The following DMD variants were observed in gnomAD, a reference collection of about 807,000 sequenced individuals.
DMD encodes mutant dystrophin.
In DMD, 63 loss-of-function variants were observed where a neutral mutation model predicts 330.1. The ratio of observed to expected loss-of-function variants is 0.19; its 90% CI spans 0.16 to 0.24. The LOEUF is 0.24. DMD is among the 10% of genes least tolerant of loss of function. The pLI, the probability that DMD is intolerant of heterozygous loss-of-function variation, is 1.00. For synonymous variants in DMD, 1,223 were observed against 959.8 expected (o/e 1.27, Z -5.07); for missense variants, 3,344 against 2,684.1 (o/e 1.25, Z -5.43).
chrX:32,201,856 ATTCTCATAAGTCAAAAGGTACAAATCC>A (rs2097041106), intron 44 of DMD, among the ~76,000 whole-genome samples: 1 of 111,619 alleles, frequency 9.0e-6, no homozygotes, highest in Non-Finnish European at 1.9e-5. Context: ...AGACTTCCAA[ATTCTCATAAGTCAAAAGGTACAAATCC>A]CTGAAAACTG....
At chrX:32,927,169 A>T (rs1382340159) in intron 2 of DMD, among the ~76,000 whole-genome samples, 1 of 111,232 alleles carries the variant, frequency 9.0e-6, no homozygotes, top group African/African-American at 3.3e-5. Context: ...TTTCCATCTT[A>T]TCTAGCCTTT....
At chrX:32,592,490 C>G (rs1398066123) in intron 13 of DMD, among the ~76,000 whole-genome samples, 3 of 110,866 alleles carry the variant, frequency 2.7e-5, no homozygotes, top group African/African-American at 9.9e-5. Flanking sequence ...CTGCACACTC[C>G]CTGGGACGAC....
chrX:31,363,320 T>C (rs920560078), intron 60 of DMD, among the ~76,000 whole-genome samples: 2 of 108,945 alleles, frequency 1.8e-5, no homozygotes, highest in Admixed American at 9.8e-5. Context: ...CTATCAAGAA[T>C]GTATCAACAA....
intron 59 of DMD, among the ~76,000 whole-genome samples, chrX:31,458,627 A>G (rs1318647612): frequency 9.0e-6 from 1 of 110,621 alleles, no homozygotes; most frequent in African/African-American, 3.3e-5. Flanking sequence ...TCTTTTTCAA[A>G]ATAGGAGTAT....
intron 2 of DMD, among the ~76,000 whole-genome samples, chrX:32,974,541 C>T (rs1394526511): frequency 9.0e-6 from 1 of 111,641 alleles, no homozygotes; most frequent in Non-Finnish European, 1.9e-5. Context: ...CTGATGTTTA[C>T]ACCTCTTTTT....
At chrX:31,970,657 T>A (rs1237073517) in intron 44 of DMD, among the ~76,000 whole-genome samples, 1 of 110,961 alleles carries the variant, frequency 9.0e-6, no homozygotes, top group African/African-American at 3.3e-5. Flanking sequence ...ATCTCCATGA[T>A]GTGACCAAGA....
At chrX:32,132,993 C>CTTTTCTTTCTTTTTTTT (rs2096705124) in intron 44 of DMD, among the ~76,000 whole-genome samples, 1 of 76,010 alleles carries the variant, frequency 1.3e-5, no homozygotes, top group African/African-American at 6.9e-5. Flanking sequence ...CTTTTCTTTT[C>CTTTTCTTTCTTTTTTTT]TTTTTTTTTT....
chrX:31,588,056 G>A (rs1425828507), intron 55 of DMD, among the ~76,000 whole-genome samples: 1 of 111,569 alleles, frequency 9.0e-6, no homozygotes, highest in Non-Finnish European at 1.9e-5. Flanking sequence ...ACGGTCATCT[G>A]CATATTAACA....
Position 31,774,210 on chromosome X carries a change from T to G in DMD, c.7310-18A>C. 1 of 1,160,571 alleles carries G rather than the reference T, an allele frequency of 8.6e-7. No individual in the cohort carries two copies. The highest frequency in any genetic ancestry group is 1.2e-6 in the Non-Finnish European group (1 of 852,764). ...AGTAGGAGCTAAAATATTTTGGGTT[T>G]TTGCAAAAAGGAAAAAAGAAGAAAA... On this transcript the variant is annotated intron_variant, in intron 50 of 78. Transcript: ENST00000357033.
intron 2 of DMD, among the ~76,000 whole-genome samples, chrX:32,857,889 G>T (rs1342557254): frequency 9.0e-6 from 1 of 111,145 alleles, no homozygotes; most frequent in East Asian, 2.8e-4. Context: ...ATAGACCAAG[G>T]TCTTTTATAA....
chrX:32,868,669 C>T (rs751093941), intron 2 of DMD, among the ~76,000 whole-genome samples: 117 of 112,776 alleles, frequency 1.0e-3, no homozygotes, highest in Non-Finnish European at 1.9e-3. Context: ...CGGACTCTGA[C>T]CCATCCCTCC....
At chrX:33,298,265 C>T (rs747381647) in intron 1 of DMD, among the ~76,000 whole-genome samples, 6 of 111,401 alleles carry the variant, frequency 5.4e-5, no homozygotes, top group African/African-American at 1.9e-4. Flanking sequence ...TCCAGAAACA[C>T]AGAGATAATT....
chrX:31,805,228 A>ACTC (rs2092249656), intron 50 of DMD, among the ~76,000 whole-genome samples: 1 of 111,288 alleles, frequency 9.0e-6, no homozygotes, highest in Non-Finnish European at 1.9e-5. Flanking sequence ...ATATAATTTA[A>ACTC]CTCTTCCTAA....
intron 7 of DMD, among the ~76,000 whole-genome samples, chrX:32,730,785 T>C (rs2067498185): frequency 9.0e-6 from 1 of 111,672 alleles, no homozygotes; most frequent in South Asian, 3.8e-4. Flanking sequence ...GATTCAAATA[T>C]GAAAGAGATG....
chrX:32,565,676 G>A (rs555184872), intron 16 of DMD, 26 bp downstream of exon 16: 13 of 1,196,624 alleles, frequency 1.1e-5, no homozygotes, highest in African/African-American at 7.0e-5. Flanking sequence ...GAGATAGTCT[G>A]TAGCATGATA....
chrX:32,595,618 T>C, intron 13 of DMD, 139 bp downstream of exon 13: 1 of 586,587 alleles, frequency 1.7e-6, no homozygotes, highest in East Asian at 3.7e-5. Flanking sequence ...CTTCAGCTGA[T>C]TATGAGTGTG....
intron 29 of DMD, among the ~76,000 whole-genome samples, chrX:32,426,324 T>C (rs974067834): frequency 9.0e-6 from 1 of 111,684 alleles, no homozygotes; most frequent in Admixed American, 9.5e-5. Context: ...GCAAAGGACA[T>C]GAACACACAT....
intron 57 of DMD, among the ~76,000 whole-genome samples, chrX:31,493,411 A>G (rs1377428269): frequency 8.9e-6 from 1 of 112,764 alleles, no homozygotes; most frequent in East Asian, 2.8e-4. Flanking sequence ...AAGTTTGCAC[A>G]ATGTCCGAGC....
At position 32,441,448 on chromosome X, in the gene DMD, C is replaced by T. The variant is rs1603633549; in HGVS notation, c.3787-134G>A. On this transcript the variant is annotated intron_variant, in intron 27 of 78. Coordinates refer to ENST00000357033, the MANE Select transcript of DMD (RefSeq NM_004006.3). ...CACCTTTACTTTGTAGCAGGTAATT[C>T]AAAATGCAGCTAGACAGTTTCATCA... 1.0e-5 allele frequency: 6 copies of T among 577,623 alleles called. No homozygotes were observed. In the East Asian group the frequency reaches 2.2e-4, roughly 21 times the overall value. 47.6% of individuals were successfully genotyped at this position (577,623 alleles called of 1,213,427 possible).
Sources: allele counts gnomAD v4.1 joint callset (sites outside exome capture counted in the v4.1 genomes callset), GRCh38; gene constraint gnomAD v4.1.1; transcripts MANE v1.5; gene names NCBI Gene and HGNC (gene_info 2026-07-23, HGNC 2026-07-21).